DICER1: variants seen among roughly 807,000 people sequenced by gnomAD.
DICER1 encodes endoribonuclease Dicer.
Under a neutral mutation model 194.1 loss-of-function variants are expected in DICER1, and 43 were observed. The observed-to-expected ratio is 0.22, with a 90% confidence interval of 0.17 to 0.29. DICER1 has a LOEUF of 0.29. Among genes scored for constraint, DICER1 ranks in the 10% least tolerant of loss-of-function variants. The pLI is 1.00. For synonymous variants in DICER1, 832 were observed against 820.5 expected (o/e 1.01, Z -0.24); for missense variants, 1,608 against 2,317.0 (o/e 0.69, Z 6.28).
intron 21 of DICER1, among the ~76,000 whole-genome samples, 155 bp downstream of exon 21, chr14:95,103,191 G>C (rs901922697): frequency 6.6e-6 from 1 of 152,160 alleles, no homozygotes; most frequent in Non-Finnish European, 1.5e-5. Context: ...ACAGGCTTTC[G>C]CTGGCCCTGG....
intron 7 of DICER1, among the ~76,000 whole-genome samples, chr14:95,126,246 G>A (rs934599608): frequency 6.6e-6 from 1 of 151,988 alleles, no homozygotes; most frequent in African/African-American, 2.4e-5. Context: ...AGGAAACTGC[G>A]GAAGAATTTG....
intron 1 of DICER1, among the ~76,000 whole-genome samples, chr14:95,136,368 C>T (rs1894372424): frequency 6.6e-6 from 1 of 152,074 alleles, no homozygotes. Context: ...GATCAAGGAT[C>T]CAGTTTCTTT....
chr14:95,119,534 G>A (rs1377013394), intron 8 of DICER1, among the ~76,000 whole-genome samples: 1 of 152,240 alleles, frequency 6.6e-6, no homozygotes, highest in African/African-American at 2.4e-5. Context: ...ATAATGGACA[G>A]TGCAAACTGC....
intron 9 of DICER1, among the ~76,000 whole-genome samples, 197 bp from the exon 10 acceptor site, chr14:95,116,892 G>C (rs1019168844): frequency 1.3e-5 from 2 of 152,122 alleles, no homozygotes; most frequent in African/African-American, 4.8e-5. Context: ...CAAAGAAACT[G>C]ATTTAATGAG....
In DICER1 at chr14:95,093,995, C is replaced by T. The variant is rs1460430963; in HGVS notation, c.5257G>A (p.Asp1753Asn). ...TIFASLAVKY[D>N]YHKYFKAVSP... Reference sequence around the variant, plus strand: ...ACAGCTTTGAAGTACTTGTGGTAGTCGTACTTTACAGCCAGCGATGCAAAG... The same window carrying T: ...ACAGCTTTGAAGTACTTGTGGTAGTTGTACTTTACAGCCAGCGATGCAAAG... Residue 1753 changes from aspartate to asparagine, a missense_variant, in exon 24 of 27, where the codon GAC (aspartate) becomes AAC (asparagine). This residue lies in a region of DICER1 where 138 missense variants were observed against 298.3 expected (regional missense o/e 0.46). Coordinates refer to ENST00000343455, the MANE Select transcript of DICER1 (RefSeq NM_177438.3). 6.2e-6 allele frequency: 10 copies of T among 1,614,066 alleles called. No individual in the cohort carries two copies. The highest frequency in any genetic ancestry group is 2.2e-5 in the East Asian group (1 of 44,862).
intron 8 of DICER1, among the ~76,000 whole-genome samples, chr14:95,122,162 G>T (rs1020513528): frequency 6.6e-6 from 1 of 152,114 alleles, no homozygotes; most frequent in African/African-American, 2.4e-5. Context: ...TATGAAAGTT[G>T]ATCACAATTC....
chr14:95,155,641 T>C (rs1005729818), intron 1 of DICER1, among the ~76,000 whole-genome samples: 7 of 152,196 alleles, frequency 4.6e-5, no homozygotes, highest in African/African-American at 1.7e-4. Flanking sequence ...GCATAAAAAG[T>C]AAAGCAGGCC....
chr14:95,103,323 A>T (rs1891060797), intron 21 of DICER1, 23 bp downstream of exon 21: 2 of 1,612,168 alleles, frequency 1.2e-6, no homozygotes, highest in African/African-American at 2.7e-5. Context: ...TTAACTGCTC[A>T]AAATAAAAAA....
In DICER1 at chr14:95,096,451, C is replaced by A. The variant is rs1595341311; in HGVS notation, c.4469G>T (p.Gly1490Val). The change falls in exon 23 of 27, where the codon GGT (glycine) becomes GTT (valine). Residue 1490 changes from glycine to valine, a missense_variant. This residue lies in a region of DICER1 where 164 missense variants were observed against 183.7 expected (regional missense o/e 0.89). Coordinates refer to ENST00000343455, the MANE Select transcript of DICER1 (RefSeq NM_177438.3). ...AAAATCTGATGAAAATGGCATACTA[C>A]CTAAGGAGGATTTTTTGGGCATTTT... ...EWKMPKKSSL[G>V]SMPFSSDFED... The A allele has an allele frequency of 6.2e-7, 1 of 1,614,174 alleles. No individual in the cohort carries two copies. The highest frequency in any genetic ancestry group is 8.5e-7 in the Non-Finnish European group (1 of 1,180,038).
Position 95,090,732 on chromosome 14 carries a change from G to A in DICER1, c.5604-69C>T, listed in dbSNP as rs144796440. On this transcript the variant is annotated intron_variant, in intron 26 of 26. Transcript: ENST00000343455. ...TATTATCATTGTCAATCAGCATTTA[G>A]TGTGCACTCTCAGGCCAGGAGTCCC... 154 of 1,570,192 alleles carry A rather than the reference G, an allele frequency of 9.8e-5. No individual in the cohort carries two copies. The African/African-American group carries it at 1.9e-3, about 19-fold the overall frequency.
chr14:95,156,899 C>CCCAGGCCTCG (rs1037598657), intron 1 of DICER1, among the ~76,000 whole-genome samples: 1 of 152,164 alleles, frequency 6.6e-6, no homozygotes, highest in African/African-American at 2.4e-5. Context: ...TGTCAAGAGC[C>CCCAGGCCTCG]CCAGGCCTCG....
intron 3 of DICER1, among the ~76,000 whole-genome samples, chr14:95,131,981 A>G (rs1267657933): frequency 6.6e-6 from 1 of 152,204 alleles, no homozygotes; most frequent in Non-Finnish European, 1.5e-5. Flanking sequence ...AGTTATACTG[A>G]GACAACCTAA....
rs532360902 is a variant in DICER1 at position 95,098,018 on chromosome 14, A to T, written c.4207-1305T>A. On this transcript the variant is annotated intron_variant, in intron 22 of 26. Coordinates refer to ENST00000343455, the MANE Select transcript of DICER1 (RefSeq NM_177438.3). ...CAAACTGCGATTTTTAAAAAATCAG[A>T]CAATATTTTTTTTTTATTGAAAAAA... is the stretch of plus-strand genomic sequence containing the variant. Among the ~76,000 whole-genome samples the T allele has an allele frequency of 5.3e-5, 8 of 152,316 alleles. No homozygotes were observed. The South Asian group carries it at 1.7e-3, about 32-fold the overall frequency.
intron 8 of DICER1, among the ~76,000 whole-genome samples, chr14:95,123,416 T>C (rs1400063316): frequency 7.2e-5 from 11 of 152,216 alleles, no homozygotes; most frequent in Non-Finnish European, 1.5e-4. Flanking sequence ...CTTTTTGCAC[T>C]GTGGCCTTGA....
chr14:95,090,096 A>G lies in DICER1; in HGVS notation c.*402T>C. 2.7e-6 allele frequency: 1 copy of G among 370,620 alleles called. No individual in the cohort carries two copies. The highest frequency in any genetic ancestry group is 5.0e-6 in the Non-Finnish European group (1 of 199,636). The allele number at this position is 370,620 out of a possible 1,614,324, so 23.0% of individuals were successfully genotyped here. A position where few individuals can be genotyped will look rare whatever the true frequency, so the allele number is the denominator to read the frequency against. On this transcript the variant is annotated 3_prime_UTR_variant, in exon 27 of 27. Coordinates refer to ENST00000343455, the MANE Select transcript of DICER1 (RefSeq NM_177438.3). ...TGCACACACGGAGAGATGGAGAAGA[A>G]TCTACATCATCCTAGGGACTGCTGG...
intron 1 of DICER1, chr14:95,134,365 C>CA (rs1894200025): frequency 6.6e-6 from 1 of 152,176 alleles, no homozygotes; most frequent in Non-Finnish European, 1.5e-5. Context: ...TCCTACCCTT[C>CA]AAACAGAGGG....
At chr14:95,104,332 T>TAG (rs1555369833) in intron 20 of DICER1, among the ~76,000 whole-genome samples, 1 of 152,232 alleles carries the variant, frequency 6.6e-6, no homozygotes, top group Non-Finnish European at 1.5e-5. Flanking sequence ...TCCCTGGCCC[T>TAG]AGACTCTAGG....
At position 95,103,523 on chromosome 14, in the gene DICER1, G is replaced by A. The variant is rs1891087981; in HGVS notation, c.3873C>T (p.Gly1291=). ...PSIGYSSRTL[G]PNPGLILQAL... ...CCTGAAGAATAAGTCCAGGATTGGG[G>A]CCAAGAGTCCTTGAGGAGTACCCAA... Residue 1291 remains glycine, a synonymous_variant, in exon 21 of 27, where the codon GGC becomes GGT. Coordinates refer to ENST00000343455, the MANE Select transcript of DICER1 (RefSeq NM_177438.3). The A allele has an allele frequency of 1.2e-6, 2 of 1,614,176 alleles. No homozygotes were observed. Among genetic ancestry groups the A allele is most frequent in the Non-Finnish European group, 1.7e-6 (2 of 1,180,020 alleles).
In DICER1 at chr14:95,091,446, T is replaced by C. The variant is rs533000032; in HGVS notation, c.5365-81A>G. On this transcript the variant is annotated intron_variant, in intron 24 of 26. Coordinates refer to ENST00000343455, the MANE Select transcript of DICER1 (RefSeq NM_177438.3). Reference sequence around the variant, plus strand: ...CACAGATGTAGTTTCTTTTCTTGGATATATGACTTTTGTTACTTCTTTAGT... The same window carrying C: ...CACAGATGTAGTTTCTTTTCTTGGACATATGACTTTTGTTACTTCTTTAGT... 2.4e-5 allele frequency: 32 copies of C among 1,335,246 alleles called. No individual in the cohort carries two copies. In the African/African-American group the frequency reaches 4.5e-4, roughly 19 times the overall value. The allele number at this position is 1,335,246 out of a possible 1,614,324, so 82.7% of individuals were successfully genotyped here.
Sources: allele counts gnomAD v4.1 joint callset (sites outside exome capture counted in the v4.1 genomes callset), GRCh38; gene constraint gnomAD v4.1.1; regional missense constraint gnomAD v4.1.1; transcripts MANE v1.5; gene names NCBI Gene and HGNC (gene_info 2026-07-23, HGNC 2026-07-21).